Variants in CHST11 observed in about 807,000 individuals in gnomAD.
CHST11 encodes carbohydrate sulfotransferase 11.
In CHST11, 9 loss-of-function variants were observed where a neutral mutation model predicts 30.4. That is an observed-to-expected ratio of 0.30 (90% CI 0.18 to 0.52). The LOEUF (loss-of-function observed/expected upper bound fraction) is 0.52. Ranked by LOEUF, CHST11 falls within the 20% of genes least tolerant of loss-of-function variation. The pLI is 0.97. For missense variants in CHST11, 348 were observed against 460.6 expected (o/e 0.76, Z 2.24); for synonymous variants, 152 against 187.8 (o/e 0.81, Z 1.56).
In CHST11 at chr12:104,458,463, G is replaced by A. The variant is rs2037376933; in HGVS notation, c.118+934G>A. 6.6e-6 allele frequency among the ~76,000 whole-genome samples: 1 copy of A among 152,172 alleles called. No homozygotes were observed. Among genetic ancestry groups the A allele is most frequent in the South Asian group, 2.1e-4 (1 of 4,830 alleles). On this transcript the variant is annotated intron_variant, in intron 1 of 2. Transcript: ENST00000303694. This position sits in a 1 kb window ranked among gnomAD's most constrained non-coding sequence, Gnocchi z 5.7. ...CTGGACTGGGGGAGGGACGAGGCTC[G>A]TCGCTTCCTAGGGGTGCGAGGGAAA...
At chr12:104,520,712 G>A in intron 1 of CHST11, among the ~76,000 whole-genome samples, 1 of 152,170 alleles carries the variant, frequency 6.6e-6, no homozygotes, top group Non-Finnish European at 1.5e-5. Context: ...GTGGCTGGAG[G>A]CTAAATCTGT....
At chr12:104,587,424 G>T (rs1376593669) in intron 1 of CHST11, among the ~76,000 whole-genome samples, 2 of 152,116 alleles carry the variant, frequency 1.3e-5, no homozygotes, top group Non-Finnish European at 2.9e-5. Context: ...TTGAGATAGG[G>T]TCTCAAGCGG....
chr12:104,594,554 A>C (rs11112127), intron 1 of CHST11, among the ~76,000 whole-genome samples: 42,455 of 152,006 alleles, frequency 0.28, 6,081 homozygotes, highest in African/African-American at 0.34. Flanking sequence ...CTTCTCCCCC[A>C]TCCCCGCTTT....
chr12:104,707,752 GCA>G (rs1259556432), intron 2 of CHST11, among the ~76,000 whole-genome samples: 1 of 151,962 alleles, frequency 6.6e-6, no homozygotes, highest in Non-Finnish European at 1.5e-5. Context: ...ACATACAAAT[GCA>G]CACACACACA....
intron 1 of CHST11, among the ~76,000 whole-genome samples, chr12:104,558,387 GTC>G (rs2136014667): frequency 6.6e-6 from 1 of 152,236 alleles, no homozygotes; most frequent in South Asian, 2.1e-4. Flanking sequence ...GGAGCTCGAA[GTC>G]TCCTTATTCT....
intron 2 of CHST11, among the ~76,000 whole-genome samples, chr12:104,643,611 A>G (rs1444367735): frequency 1.3e-5 from 2 of 149,788 alleles, no homozygotes; most frequent in South Asian, 2.1e-4. Flanking sequence ...TGAGGAACTT[A>G]AGAGGACATT....
chr12:104,710,812 G>T (rs538290825), intron 2 of CHST11, among the ~76,000 whole-genome samples: 2 of 152,280 alleles, frequency 1.3e-5, no homozygotes, highest in South Asian at 4.1e-4. Flanking sequence ...ATATGGGCAG[G>T]TGTGACTTCC....
chr12:104,512,631 A>G (rs1469414551), intron 1 of CHST11, among the ~76,000 whole-genome samples: 1 of 152,192 alleles, frequency 6.6e-6, no homozygotes, highest in African/African-American at 2.4e-5. Flanking sequence ...GCTATTATTG[A>G]GGTAGAGGGA....
intron 1 of CHST11, among the ~76,000 whole-genome samples, chr12:104,577,990 G>A (rs993176318): frequency 1.3e-5 from 2 of 152,150 alleles, no homozygotes; most frequent in African/African-American, 2.4e-5. Context: ...CATGCACTGA[G>A]GGAAGTCCAC....
rs1202757518 is a variant in CHST11 at position 104,457,480 on chromosome 12, G to A, written c.69G>A (p.Leu23=). 6.2e-7 allele frequency: 1 copy of A among 1,614,070 alleles called. No homozygotes were observed. The highest frequency in any genetic ancestry group is 1.3e-5 in the African/African-American group (1 of 74,950). ...RICRMVLATC[L]GSFILVIFYF... ...GCCGGATGGTGCTGGCCACTTGCTT[G>A]GGATCCTTTATCCTGGTCATCTTCT... Residue 23 remains leucine, a synonymous_variant, in exon 1 of 3, where the codon TTG becomes TTA. Coordinates refer to ENST00000303694, the MANE Select transcript of CHST11 (RefSeq NM_018413.6).
chr12:104,544,913 C>G (rs1026822516), intron 1 of CHST11, among the ~76,000 whole-genome samples: 7 of 151,926 alleles, frequency 4.6e-5, no homozygotes, highest in Admixed American at 3.3e-4. Flanking sequence ...TATGTCGTTT[C>G]GAAGTATGCC....
At chr12:104,619,527 T>C (rs1195525461) in intron 2 of CHST11, among the ~76,000 whole-genome samples, 1 of 152,192 alleles carries the variant, frequency 6.6e-6, no homozygotes, top group African/African-American at 2.4e-5. Flanking sequence ...CTGGGTCGTG[T>C]TTCGAGCGCT....
At chr12:104,476,818 A>G (rs1396112131) in intron 1 of CHST11, among the ~76,000 whole-genome samples, 1 of 151,476 alleles carries the variant, frequency 6.6e-6, no homozygotes, top group Non-Finnish European at 1.5e-5. Context: ...CTATCTCAAC[A>G]TTCATGCTTG....
chr12:104,623,774 G>A (rs79233215), intron 2 of CHST11, among the ~76,000 whole-genome samples: 2,829 of 151,914 alleles, frequency 0.019, 59 homozygotes, highest in African/African-American at 0.05. Flanking sequence ...CTATCTCACC[G>A]TCTCTGCTGT....
chr12:104,612,688 G>C (rs2039070932), intron 2 of CHST11, among the ~76,000 whole-genome samples: 1 of 152,158 alleles, frequency 6.6e-6, no homozygotes, highest in African/African-American at 2.4e-5. Context: ...AAAGATAAAG[G>C]ATCAGGGTTG....
intron 2 of CHST11, among the ~76,000 whole-genome samples, chr12:104,716,964 C>T (rs763463944): frequency 7.2e-5 from 11 of 152,228 alleles, no homozygotes; most frequent in Non-Finnish European, 1.5e-4. Context: ...TTCCTTGGCT[C>T]ATGACATGCT....
At chr12:104,567,781 A>G (rs1392722380) in intron 1 of CHST11, among the ~76,000 whole-genome samples, 2 of 152,156 alleles carry the variant, frequency 1.3e-5, no homozygotes, top group East Asian at 3.9e-4. Flanking sequence ...ATGCAATAGT[A>G]TTGGGAGGTG....
intron 1 of CHST11, among the ~76,000 whole-genome samples, chr12:104,518,579 T>G (rs1397895412): frequency 1.3e-5 from 2 of 152,100 alleles, no homozygotes; most frequent in Non-Finnish European, 2.9e-5. Flanking sequence ...CCCCGGACTT[T>G]CCCTCGCCCT....
At chr12:104,671,510 A>C (rs2136095862) in intron 2 of CHST11, among the ~76,000 whole-genome samples, 1 of 152,274 alleles carries the variant, frequency 6.6e-6, no homozygotes. Flanking sequence ...GGAAGCTCTT[A>C]GCCCACTGCA....
Sources: gnomAD v4.1 joint callset for allele counts (sites outside exome capture counted in the v4.1 genomes callset) on GRCh38, gnomAD v4.1.1 for gene constraint, Gnocchi (gnomAD v3.1) non-coding constraint, MANE v1.5 for transcripts, NCBI Gene and HGNC (gene_info 2026-07-23, HGNC 2026-07-21) for gene names.